Variants in DLGAP2 observed in about 807,000 individuals in gnomAD.
DLGAP2 encodes the protein DLG associated protein 2.
In DLGAP2, 26 loss-of-function variants were observed where a neutral mutation model predicts 100.3. The observed-to-expected ratio is 0.26, with a 90% CI of 0.19 to 0.36. The LOEUF (loss-of-function observed/expected upper bound fraction) is 0.36, where lower values mean the gene tolerates loss of function less well. Ranked by LOEUF, DLGAP2 falls within the 10% of genes least tolerant of loss-of-function variation. The pLI is 1.00. For synonymous variants in DLGAP2, 886 were observed against 630.1 expected (o/e 1.41, Z -6.08); for missense variants, 1,858 against 1,453.2 (o/e 1.28, Z -4.53).
Position 841,656 on chromosome 8 carries a change from A to T in DLGAP2, c.19-66256A>T, listed in dbSNP as rs1212544393. On this transcript the variant is annotated intron_variant, in intron 1 of 14. Transcript: ENST00000637795. Reference sequence around the variant, plus strand: ...CCATTCACAGGTGTGATCTTGGGTCACTGCAGCCTTGAACTCCTGGGCTCA... The same window carrying T: ...CCATTCACAGGTGTGATCTTGGGTCTCTGCAGCCTTGAACTCCTGGGCTCA... Among the ~76,000 whole-genome samples the T allele has an allele frequency of 3.3e-5, 5 of 151,966 alleles. No individual in the cohort carries two copies. The East Asian group carries it at 7.7e-4, about 24-fold the overall frequency.
chr8:876,999 G>T (rs562337753), intron 1 of DLGAP2, among the ~76,000 whole-genome samples: 1 of 143,148 alleles, frequency 7.0e-6, no homozygotes, highest in Non-Finnish European at 1.5e-5. Flanking sequence ...TTTTTACCAG[G>T]TTTTTTTTTT....
chr8:1,291,773 G>A (rs775580717), intron 3 of DLGAP2, among the ~76,000 whole-genome samples: 3 of 152,010 alleles, frequency 2.0e-5, no homozygotes, highest in Admixed American at 1.3e-4. Flanking sequence ...TTGAGCCCCC[G>A]GGGGCCAGTT....
intron 3 of DLGAP2, among the ~76,000 whole-genome samples, chr8:1,311,939 C>T (rs1002721134): frequency 6.6e-6 from 1 of 152,158 alleles, no homozygotes. Flanking sequence ...ATAGATGAGT[C>T]CACCATTAAT....
chr8:1,389,819 A>G lies in DLGAP2; in HGVS notation c.107-111547A>G, dbSNP rs1108899. ...AGCGAGCCTTCCCTGCAAGGATCCA[A>G]CGCAGACCCAGATCTGCCCCAGACC... On this transcript the variant is annotated intron_variant, in intron 3 of 14. Coordinates refer to ENST00000637795, the MANE Select transcript of DLGAP2 (RefSeq NM_001346810.2). Among the ~76,000 whole-genome samples, 756 of 152,200 alleles carry G rather than the reference A, an allele frequency of 5.0e-3. 5 individuals carry two copies. Among genetic ancestry groups the G allele is most frequent in the African/African-American group, 0.018 (729 of 41,534 alleles).
intron 3 of DLGAP2, among the ~76,000 whole-genome samples, chr8:1,378,883 C>G (rs1433737915): frequency 1.3e-5 from 2 of 152,176 alleles, no homozygotes; most frequent in Non-Finnish European, 2.9e-5. Flanking sequence ...TCGGCGGGTT[C>G]AACACTCATG....
At chr8:945,116 T>C (rs1799287576) in intron 2 of DLGAP2, among the ~76,000 whole-genome samples, 1 of 152,218 alleles carries the variant, frequency 6.6e-6, no homozygotes, top group Non-Finnish European at 1.5e-5. Flanking sequence ...TTGGGGAGAA[T>C]GAGGATTCAG....
chr8:1,672,697 C>A (rs1249211835), intron 10 of DLGAP2, among the ~76,000 whole-genome samples: 4 of 152,068 alleles, frequency 2.6e-5, no homozygotes, highest in African/African-American at 9.7e-5. Context: ...CCCAGAGCTC[C>A]AAGCCTCACA....
intron 3 of DLGAP2, among the ~76,000 whole-genome samples, chr8:1,440,444 C>T (rs145892165): frequency 8.4e-4 from 128 of 152,324 alleles, no homozygotes; most frequent in Non-Finnish European, 1.5e-3. Context: ...TGCGAGTGCA[C>T]GGCCCACCCT....
At chr8:1,678,788 A>C (rs1471211354) in intron 12 of DLGAP2, 159 bp downstream of exon 12, 2 of 798,532 alleles carry the variant, frequency 2.5e-6, no homozygotes, top group Admixed American at 7.7e-5. Flanking sequence ...CTAAGAAAAG[A>C]TATAAATTAC....
intron 5 of DLGAP2, among the ~76,000 whole-genome samples, chr8:1,558,402 A>C (rs1802040074): frequency 6.6e-6 from 1 of 152,150 alleles, no homozygotes; most frequent in Non-Finnish European, 1.5e-5. Context: ...TGGGGGACAC[A>C]CCTATGGGTC....
intron 3 of DLGAP2, among the ~76,000 whole-genome samples, chr8:1,416,653 G>A (rs1796893936): frequency 6.6e-6 from 1 of 152,066 alleles, no homozygotes; most frequent in African/African-American, 2.4e-5. Context: ...TGGAAACTCT[G>A]TTTCTGTGTT....
chr8:761,460 G>A (rs568274199), intron 1 of DLGAP2, among the ~76,000 whole-genome samples: 112 of 152,256 alleles, frequency 7.4e-4, no homozygotes, highest in African/African-American at 2.6e-3. Context: ...ATAATGGCCG[G>A]GCCTTCTGTA....
chr8:1,531,185 A>C (rs1800978164), intron 4 of DLGAP2, among the ~76,000 whole-genome samples: 1 of 152,004 alleles, frequency 6.6e-6, no homozygotes, highest in East Asian at 1.9e-4. Context: ...AAAAGCAGGC[A>C]ACTGGTTAAG....
chr8:1,425,030 T>C (rs910928281), intron 3 of DLGAP2, among the ~76,000 whole-genome samples: 32 of 152,382 alleles, frequency 2.1e-4, no homozygotes, highest in Non-Finnish European at 4.7e-4. Context: ...ATCTTATGTG[T>C]AGCTGATCTC....
intron 2 of DLGAP2, among the ~76,000 whole-genome samples, chr8:1,252,524 G>A (rs1277527960): frequency 6.6e-6 from 1 of 152,228 alleles, no homozygotes; most frequent in East Asian, 1.9e-4. Flanking sequence ...TTACACGGTG[G>A]TGTTGTCACG....
intron 1 of DLGAP2, among the ~76,000 whole-genome samples, chr8:856,512 A>G (rs1797281498): frequency 6.6e-6 from 1 of 152,174 alleles, no homozygotes; most frequent in Non-Finnish European, 1.5e-5. Context: ...TGAAACTAAT[A>G]AACAGTTTTA....
At chr8:1,411,847 A>C (rs1237107156) in intron 3 of DLGAP2, among the ~76,000 whole-genome samples, 1 of 152,142 alleles carries the variant, frequency 6.6e-6, no homozygotes, top group Non-Finnish European at 1.5e-5. Context: ...TGCCCTCATG[A>C]GCCGTCGTGT....
chr8:1,460,361 T>C (rs1054287617), intron 3 of DLGAP2, among the ~76,000 whole-genome samples: 12 of 152,250 alleles, frequency 7.9e-5, no homozygotes, highest in Non-Finnish European at 1.6e-4. Context: ...TGAACAGATA[T>C]CTGTGGAGTA....
At chr8:1,311,556 G>A (rs1800614806) in intron 3 of DLGAP2, among the ~76,000 whole-genome samples, 2 of 152,270 alleles carry the variant, frequency 1.3e-5, no homozygotes, top group South Asian at 4.2e-4. Flanking sequence ...TAATCCAACA[G>A]TGTATTAAAA....
Sources: allele counts gnomAD v4.1 joint callset (sites outside exome capture counted in the v4.1 genomes callset), GRCh38; gene constraint gnomAD v4.1.1; transcripts MANE v1.5; gene names NCBI Gene and HGNC (gene_info 2026-07-23, HGNC 2026-07-21).